Variants in SLC12A3 observed in about 807,000 individuals in gnomAD.
SLC12A3 encodes the protein solute carrier family 12 member 3.
In SLC12A3, 104 loss-of-function variants were observed where a neutral mutation model predicts 121.0. That is an observed-to-expected ratio of 0.86 (90% confidence interval 0.73 to 1.01). The LOEUF is 1.01. Among genes scored for constraint, SLC12A3 ranks in the 50% least tolerant of loss-of-function variants. The pLI is 0.00. For missense variants in SLC12A3, 1,328 were observed against 1,356.3 expected, an observed-to-expected ratio of 0.98 and a Z score of 0.33; for synonymous variants, 536 against 533.4, an observed-to-expected ratio of 1.00 and a Z score of -0.07.
intron 25 of SLC12A3, among the ~76,000 whole-genome samples, chr16:56,911,667 C>G (rs1567451947): frequency 7.9e-6 from 1 of 127,186 alleles, no homozygotes; most frequent in Non-Finnish European, 1.6e-5. Context: ...CCAGGTGAAG[C>G]TTTGTGGATG....
In SLC12A3 at chr16:56,886,923, G is replaced by A. The variant is rs1329528896; in HGVS notation, c.2038-30G>A. 5.6e-6 allele frequency: 9 copies of A among 1,612,816 alleles called. 1 individual carries two copies. Among genetic ancestry groups the A allele is most frequent in the Admixed American group, 3.3e-5 (2 of 59,990 alleles). On this transcript the variant is annotated intron_variant, in intron 16 of 25. Transcript: ENST00000563236. ...CTCAGGCTGGAGGGTGAAGGCAGCT[G>A]GTGATGTCCCCTGCCCCTCCCACCC...
At position 56,914,332 on chromosome 16, in the gene SLC12A3, T is replaced by C. The variant is rs1338913613; in HGVS notation, c.*927T>C. ...TTTGGTTGCAACACACAGTAAGAAA[T>C]ATACTTCACACTGAGACTTGCAGCG... On this transcript the variant is annotated 3_prime_UTR_variant, in exon 26 of 26. Coordinates refer to ENST00000563236, the MANE Select transcript of SLC12A3 (RefSeq NM_001126108.2). 1 of 152,204 alleles carries C rather than the reference T, an allele frequency of 6.6e-6. No homozygotes were observed. The highest frequency in any genetic ancestry group is 1.5e-5 in the Non-Finnish European group (1 of 68,036). The allele number at this position is 152,204 out of a possible 1,614,324, so 9.4% of individuals were successfully genotyped here.
intron 14 of SLC12A3, 111 bp downstream of exon 14, chr16:56,884,315 G>A (rs2055282492): frequency 8.7e-7 from 1 of 1,146,554 alleles, no homozygotes; most frequent in Non-Finnish European, 1.3e-6. Context: ...GTGCTGTCCA[G>A]GGCCCCTCTC....
At chr16:56,884,774 G>A (rs1272524186) in intron 14 of SLC12A3, among the ~76,000 whole-genome samples, 1 of 152,006 alleles carries the variant, frequency 6.6e-6, no homozygotes, top group Non-Finnish European at 1.5e-5. Flanking sequence ...ACTTTTTTGT[G>A]GGGGGACTGG....
At chr16:56,898,510 G>A (rs1259413918) in intron 22 of SLC12A3, among the ~76,000 whole-genome samples, 4 of 152,048 alleles carry the variant, frequency 2.6e-5, no homozygotes, top group East Asian at 1.9e-4. Flanking sequence ...CACCTGCCTC[G>A]GCCTCTCAAA....
At position 56,913,265 on chromosome 16, in the gene SLC12A3, A is replaced by G; in HGVS notation, c.2926A>G (p.Thr976Ala). Residue 976 changes from threonine (T) to alanine (A), a missense_variant and splice_region_variant, in exon 26 of 26, where the codon ACT (threonine) becomes GCT (alanine). Transcript: ENST00000563236. The stretch of plus-strand genomic sequence containing the variant: ...CTACCACTTTTTCATGCCTTGCAGC[A>G]CTTTGCCCATAGGGAGGAAGGGGAA... The part of the protein sequence containing the change: ...YSRDAALIVI[T>A]LPIGRKGKCP... 1 of 1,614,116 alleles carries G rather than the reference A, an allele frequency of 6.2e-7. No individual in the cohort carries two copies. Among genetic ancestry groups the G allele is most frequent in the Non-Finnish European group, 8.5e-7 (1 of 1,180,028 alleles).
intron 24 of SLC12A3, among the ~76,000 whole-genome samples, chr16:56,903,061 A>G (rs2055560477): frequency 6.6e-6 from 1 of 151,832 alleles, no homozygotes; most frequent in Admixed American, 6.6e-5. Flanking sequence ...AGGCAGGAGA[A>G]TCGCTTGAAC....
chr16:56,870,529 G>T, intron 5 of SLC12A3, 97 bp from the exon 6 acceptor site: 1 of 866,406 alleles, frequency 1.2e-6, no homozygotes. Flanking sequence ...CGTCCTAGCA[G>T]AGTGCACCGC....
chr16:56,870,835 C>A, intron 6 of SLC12A3, 99 bp downstream of exon 6: 1 of 667,930 alleles, frequency 1.5e-6, no homozygotes, highest in Non-Finnish European at 2.6e-6. Context: ...TTTTCTTTTT[C>A]TTTTCTTTTT....
rs59478629 is a variant in SLC12A3, at chr16:56,873,374, CTTTTTTTTTTTTTTT to C, written c.1095+603_1095+617del. ...AAGTCTGTTCTGTTTCTCTTTCTTT[CTTTTTTTTTTTTTTT>C]TTTTTTTTTTTTTTGAGATGGAGTT... On this transcript the variant is annotated intron_variant, in intron 8 of 25. Transcript: ENST00000563236. Among the ~76,000 whole-genome samples the C allele has an allele frequency of 1.5e-3, 114 of 75,410 alleles. No homozygotes were observed. The East Asian group carries it at 0.04, about 26-fold the overall frequency. The allele number at this position is 75,410 out of a possible 152,430, so 49.5% of individuals were successfully genotyped here.
chr16:56,880,713 G>C (rs1452381859), intron 12 of SLC12A3, among the ~76,000 whole-genome samples: 1 of 152,170 alleles, frequency 6.6e-6, no homozygotes, highest in Non-Finnish European at 1.5e-5. Flanking sequence ...AGGGCCTAGG[G>C]CTTCTAGACT....
At position 56,904,104 on chromosome 16, in the gene SLC12A3, A is replaced by G. The variant is rs12446689; in HGVS notation, c.2857-291A>G. On this transcript the variant is annotated intron_variant, in intron 24 of 25. Transcript: ENST00000563236. The stretch of plus-strand genomic sequence containing the variant: ...TCTGCTATGAAATGTGAGAGCTGAG[A>G]TCTGAACCTAGTAAGGTGTTCTCTC... Among the ~76,000 whole-genome samples, 20,138 of 152,134 alleles carry G rather than the reference A, an allele frequency of 0.13. 1,377 individuals carry two copies. The highest frequency in any genetic ancestry group is 0.21 in the Middle Eastern group (62 of 294).
intron 19 of SLC12A3, among the ~76,000 whole-genome samples, chr16:56,891,531 T>C (rs1948867910): frequency 6.6e-6 from 1 of 152,134 alleles, no homozygotes; most frequent in Non-Finnish European, 1.5e-5. Flanking sequence ...GCTGAGGGCA[T>C]GTCTGGCACA....
At chr16:56,902,531 G>GGGCCC in intron 24 of SLC12A3, 23 bp downstream of exon 24, 9 of 714,474 alleles carry the variant, frequency 1.3e-5, no homozygotes, top group Non-Finnish European at 2.2e-5. Context: ...GTGGGGGTGG[G>GGGCCC]AAACGCGACA....
chr16:56,872,223 A>G, intron 6 of SLC12A3, 128 bp from the exon 7 acceptor site: 1 of 706,844 alleles, frequency 1.4e-6, no homozygotes, highest in South Asian at 1.5e-5. Context: ...CCTGCTGCAT[A>G]ATGGGTGTTG....
At chr16:56,872,611 C>G (rs1450165212) in intron 7 of SLC12A3, 45 bp from the exon 8 acceptor site, 1 of 1,613,842 alleles carries the variant, frequency 6.2e-7, no homozygotes, top group African/African-American at 1.3e-5. Context: ...CAAGGGGGGT[C>G]AAGCCCTCCA....
At chr16:56,866,607 C>T (rs12918664) in intron 1 of SLC12A3, among the ~76,000 whole-genome samples, 37,092 of 152,102 alleles carry the variant, frequency 0.24, 4,848 homozygotes, top group Non-Finnish European at 0.29. Context: ...GGCCACTGCT[C>T]TCCTAGGGGG....
intron 19 of SLC12A3, 63 bp from the exon 20 acceptor site, chr16:56,892,020 G>A (rs1188909280): frequency 1.1e-5 from 14 of 1,267,414 alleles, no homozygotes; most frequent in Non-Finnish European, 1.6e-5. Context: ...CCCTGTCAAG[G>A]AGGAACCCAC....
chr16:56,914,635 G>C lies in SLC12A3; in HGVS notation c.*1230G>C, dbSNP rs527289522. 1 of 152,238 alleles carries C rather than the reference G, an allele frequency of 6.6e-6. No individual in the cohort carries two copies. Among genetic ancestry groups the C allele is most frequent in the African/African-American group, 2.4e-5 (1 of 41,448 alleles). The allele number at this position is 152,238 out of a possible 1,614,324, so 9.4% of individuals were successfully genotyped here. A position where few individuals can be genotyped will look rare whatever the true frequency, so the allele number is the denominator to read the frequency against. On this transcript the variant is annotated 3_prime_UTR_variant, in exon 26 of 26. Coordinates refer to ENST00000563236, the MANE Select transcript of SLC12A3 (RefSeq NM_001126108.2). ...TGCCATTTTCCCAGCTCATCTCACC[G>C]GGAAGAAAAGCAGATTGACAGAACA...
Sources: allele counts gnomAD v4.1 joint callset (sites outside exome capture counted in the v4.1 genomes callset), GRCh38; gene constraint gnomAD v4.1.1; transcripts MANE v1.5; gene names NCBI Gene and HGNC (gene_info 2026-07-23, HGNC 2026-07-21).